NACA: variants seen among roughly 807,000 people sequenced by gnomAD.
NACA encodes nascent polypeptide associated complex subunit alpha.
In NACA, 42 loss-of-function variants were observed where a neutral mutation model predicts 86.4. That is an observed-to-expected ratio of 0.49 (90% CI 0.38 to 0.63). The LOEUF is 0.63. Among genes scored for constraint, NACA ranks in the 20% least tolerant of loss-of-function variants. The pLI is 0.00. For synonymous variants in NACA, 898 were observed against 973.7 expected, an observed-to-expected ratio of 0.92 and a Z score of 1.45; for missense variants, 2,157 against 2,483.6, an observed-to-expected ratio of 0.87 and a Z score of 2.80.
At position 56,716,322 on chromosome 12, in the gene NACA, G is replaced by C; in HGVS notation, c.5208C>G (p.Ala1736=). 1 of 1,612,858 alleles carries C rather than the reference G, an allele frequency of 6.2e-7. No homozygotes were observed. Residue 1736 remains alanine, a synonymous_variant, in exon 3 of 9, where the codon GCC becomes GCG. Transcript: ENST00000454682. ...SKGPLSTVAP[A]PLLPVQKDSS... is the part of the protein sequence containing the mutation. ...AGTCTTTCTGAACAGGGAGTAGAGGGGCTGGAGCCACTGTGGAAAGGGGTC... is the reference window on the plus strand; with the variant it reads ...AGTCTTTCTGAACAGGGAGTAGAGGCGCTGGAGCCACTGTGGAAAGGGGTC...
In NACA at chr12:56,716,753, C is replaced by A. The variant is rs1265703357; in HGVS notation, c.4777G>T (p.Ala1593Ser). 7.3e-7 allele frequency: 1 copy of A among 1,377,164 alleles called. No individual in the cohort carries two copies. 85.3% of individuals were successfully genotyped at this position (1,377,164 alleles called of 1,614,324 possible). Residue 1593 changes from alanine to serine, a missense_variant, in exon 3 of 9, where the codon GCC becomes TCC. Physicochemically the swap from Ala to Ser is moderately conservative, Grantham distance 99. Coordinates refer to ENST00000454682, the MANE Select transcript of NACA (RefSeq NM_001365896.1). ...ATGAGGAGCTCTTTGGGGGATGGGG[C>A]CCCTTTGTAAGTGGAAGGAGTCACT... ...PAVTPSTYKG[A>S]PSPKELLIPP...
In NACA at chr12:56,713,579, C is replaced by T; in HGVS notation, c.5928G>A (p.Lys1976=). ...LFVITKPDVY[K]SPASDTYIVF... ...CTATGTAAGTATCTGAAGCAGGGCT[C>T]TTGTAGACATCTGGTTTTGTGATGA... Residue 1976 remains lysine, a synonymous_variant, in exon 6 of 9, where the codon AAG becomes AAA. Transcript: ENST00000454682. 6.2e-7 allele frequency: 1 copy of T among 1,613,974 alleles called. No homozygotes were observed. Among genetic ancestry groups the T allele is most frequent in the South Asian group, 1.1e-5 (1 of 91,082 alleles).
Position 56,713,568 on chromosome 12 carries a change from G to A in NACA, c.5939C>T (p.Ser1980Leu). 6.2e-7 allele frequency: 1 copy of A among 1,613,980 alleles called. No homozygotes were observed. Among genetic ancestry groups the A allele is most frequent in the Non-Finnish European group, 8.5e-7 (1 of 1,179,880 alleles). ...TKPDVYKSPA[S>L]DTYIVFGEAK... The stretch of plus-strand genomic sequence containing the variant: ...TTCCCCAAAAACTATGTAAGTATCT[G>A]AAGCAGGGCTCTTGTAGACATCTGG... Residue 1980 changes from serine (S) to leucine (L), a missense_variant, in exon 6 of 9, where the codon TCA (serine) becomes TTA (leucine). Physicochemically the swap from Ser to Leu is moderately radical, Grantham distance 145 (BLOSUM62 -2). This residue lies in a region of NACA where 81 missense variants were observed against 200.6 expected (regional missense o/e 0.40). Coordinates refer to ENST00000454682, the MANE Select transcript of NACA (RefSeq NM_001365896.1).
At position 56,713,528 on chromosome 12, in the gene NACA, T is replaced by C. The variant is rs1204226212; in HGVS notation, c.5970+9A>G. ...GGTCTGGAACAATGCCCAAGAAAAGTTTACTCACCTTGGCTTCCCCAAAAA... is the reference window on the plus strand; with the variant it reads ...GGTCTGGAACAATGCCCAAGAAAAGCTTACTCACCTTGGCTTCCCCAAAAA... On this transcript the variant is annotated intron_variant, in intron 6 of 8. Coordinates refer to ENST00000454682, the MANE Select transcript of NACA (RefSeq NM_001365896.1). 1 of 1,613,286 alleles carries C rather than the reference T, an allele frequency of 6.2e-7. No individual in the cohort carries two copies. Among genetic ancestry groups the C allele is most frequent in the Non-Finnish European group, 8.5e-7 (1 of 1,179,564 alleles).
At position 56,719,018 on chromosome 12, in the gene NACA, C is replaced by T. The variant is rs755037459; in HGVS notation, c.2512G>A (p.Glu838Lys). The change falls in exon 3 of 9, where the codon GAG (glutamate) becomes AAG (lysine). Residue 838 changes from glutamate to lysine, a missense_variant. Glu to Lys is a moderately conservative substitution (Grantham distance 56). Transcript: ENST00000454682. ...VSPVEASFLP[E>K]NSLSFQGSKD... Reference sequence around the variant, plus strand: ...GAGCCTTGGAAAGAAAGACTATTCTCTGGAAGAAATGAAGCTTCAACTGGA... The same window carrying T: ...GAGCCTTGGAAAGAAAGACTATTCTTTGGAAGAAATGAAGCTTCAACTGGA... The T allele has an allele frequency of 3.3e-5, 48 of 1,447,540 alleles. No homozygotes were observed. The highest frequency in any genetic ancestry group is 4.4e-5 in the Non-Finnish European group (47 of 1,071,482). The allele number at this position is 1,447,540 out of a possible 1,614,324, so 89.7% of individuals were successfully genotyped here. A position where few individuals can be genotyped will look rare whatever the true frequency, so the allele number is the denominator to read the frequency against.
At chr12:56,713,284 G>T (rs1375743689) in intron 6 of NACA, 94 bp from the exon 7 acceptor site, 3 of 1,459,554 alleles carry the variant, frequency 2.1e-6, no homozygotes, top group Admixed American at 4.0e-5. Context: ...ACCCATTCAG[G>T]TAACTTATTG....
rs1401189088 is a variant in NACA at position 56,720,259 on chromosome 12, T to C, written c.1271A>G (p.His424Arg). ...ILKSSPNATY[H>R]YPLVAQMPVS... is the part of the protein sequence containing the mutation. ...GGGCATTTGGGCCACTAAAGGATAATGATAAGTGGCATTAGGAGAGCTTTT... is the reference window on the plus strand; with the variant it reads ...GGGCATTTGGGCCACTAAAGGATAACGATAAGTGGCATTAGGAGAGCTTTT... Residue 424 changes from histidine to arginine, a missense_variant, in exon 3 of 9, where the codon CAT (histidine) becomes CGT (arginine). Coordinates refer to ENST00000454682, the MANE Select transcript of NACA (RefSeq NM_001365896.1). The C allele has an allele frequency of 6.2e-7, 1 of 1,613,716 alleles. No homozygotes were observed. Among genetic ancestry groups the C allele is most frequent in the Non-Finnish European group, 8.5e-7 (1 of 1,179,720 alleles).
chr12:56,721,762 G>C lies in NACA; in HGVS notation c.71-303C>G, dbSNP rs570078813. On this transcript the variant is annotated intron_variant, in intron 2 of 8. Transcript: ENST00000454682. ...TCTAAGAGCAGCCTATCTCTAAATG[G>C]GGAGCACAGACTCTTGGTAGGTTGA... 1.2e-4 allele frequency among the ~76,000 whole-genome samples: 18 copies of C among 152,260 alleles called. No homozygotes were observed. The East Asian group carries it at 3.5e-3, about 29-fold the overall frequency.
chr12:56,720,975 C>T lies in NACA; in HGVS notation c.555G>A (p.Lys185=), dbSNP rs780574561. The change falls in exon 3 of 9, where the codon AAG becomes AAA. Residue 185 remains lysine, a synonymous_variant. Transcript: ENST00000454682. ...LSAPIAPSEP[K]TNLNKVPSEV... ...CAGAGGGAACTTTATTAAGATTAGT[C>T]TTTGGTTCTGAGGGAGCAATGGGAG... 1.2e-6 allele frequency: 2 copies of T among 1,613,950 alleles called. No homozygotes were observed. Among genetic ancestry groups the T allele is most frequent in the Admixed American group, 1.7e-5 (1 of 60,012 alleles).
chr12:56,715,974 TC>T lies in NACA; in HGVS notation c.5555del (p.Gly1852GlufsTer133). ...TGACGAGGACCGACTGGAAAGGCAC[TC>T]CCCCAGAGATTGGTTCCGGGGGAAT... is the stretch of plus-strand genomic sequence containing the variant. The part of the protein sequence containing the change: ...PLIPPEPISG[G>X]VPFQSVLVNM... On this transcript the variant is annotated frameshift_variant, in exon 3 of 9. Transcript: ENST00000454682. LOFTEE classifies it high-confidence loss of function. The T allele has an allele frequency of 6.4e-7, 1 of 1,564,578 alleles. No individual in the cohort carries two copies.
chr12:56,721,726 G>C (rs1248003315), intron 2 of NACA, among the ~76,000 whole-genome samples: 1 of 152,202 alleles, frequency 6.6e-6, no homozygotes, highest in Non-Finnish European at 1.5e-5. Context: ...ATTTTAGGGT[G>C]AGGAGAACAG....
intron 2 of NACA, among the ~76,000 whole-genome samples, chr12:56,723,446 C>T (rs1031115547): frequency 6.6e-6 from 1 of 152,120 alleles, no homozygotes; most frequent in African/African-American, 2.4e-5. Context: ...CTTTAGAGAA[C>T]AGTACTTTAT....
At position 56,718,330 on chromosome 12, in the gene NACA, GGGGA is replaced by G. The variant is rs1953456943; in HGVS notation, c.3196_3199del (p.Ser1066GlnfsTer51). 8.7e-7 allele frequency: 1 copy of G among 1,155,506 alleles called. No individual in the cohort carries two copies. The highest frequency in any genetic ancestry group is 1.7e-5 in the African/African-American group (1 of 59,462). 71.6% of individuals were successfully genotyped at this position (1,155,506 alleles called of 1,614,324 possible). ...GGATGGGGTAGCTGGACCTCCTTTTGGGGAGGGAAGAGTTGCAGCTGGGGTTGTG... is the reference window on the plus strand; with the variant it reads ...GGATGGGGTAGCTGGACCTCCTTTTGGGGAAGAGTTGCAGCTGGGGTTGTG... On this transcript the variant is annotated frameshift_variant, in exon 3 of 9. Coordinates refer to ENST00000454682, the MANE Select transcript of NACA (RefSeq NM_001365896.1). LOFTEE classifies it high-confidence loss of function.
chr12:56,712,638 G>T, intron 8 of NACA, 86 bp from the exon 9 acceptor site: 1 of 1,595,500 alleles, frequency 6.3e-7, no homozygotes, highest in East Asian at 2.2e-5. Flanking sequence ...CAAATCAGGA[G>T]AATTTAGGCC....
chr12:56,713,691 A>G lies in NACA; in HGVS notation c.5824-8T>C. 6.2e-7 allele frequency: 1 copy of G among 1,613,168 alleles called. No homozygotes were observed. The highest frequency in any genetic ancestry group is 8.5e-7 in the Non-Finnish European group (1 of 1,179,536). The stretch of plus-strand genomic sequence containing the variant: ...ACCCAGTTTGGACATAGCCTAAAGA[A>G]GAGAAAATAGTATCAGGTTTTCAAC... On this transcript the variant is annotated splice_region_variant and splice_polypyrimidine_tract_variant and intron_variant, in intron 5 of 8. Transcript: ENST00000454682.
Position 56,720,280 on chromosome 12 carries a change from CTTTTGAGAATGAGAGAGG to C in NACA, c.1232_1249del (p.Thr411_Lys416del). 2 of 1,613,844 alleles carry C rather than the reference CTTTTGAGAATGAGAGAGG, an allele frequency of 1.2e-6. No homozygotes were observed. The highest frequency in any genetic ancestry group is 1.7e-6 in the Non-Finnish European group (2 of 1,179,876). ...ATAATGATAAGTGGCATTAGGAGAG[CTTTTGAGAATGAGAGAGG>C]TTGTAGGAGATAATGAAAAAGAGGT... is the stretch of plus-strand genomic sequence containing the variant. On this transcript the variant is annotated inframe_deletion, in exon 3 of 9. Transcript: ENST00000454682.
At position 56,717,591 on chromosome 12, in the gene NACA, TGGA is replaced by T. The variant is rs779008192; in HGVS notation, c.3936_3938del (p.Pro1313del). 8.0e-7 allele frequency: 1 copy of T among 1,246,954 alleles called. No homozygotes were observed. The highest frequency in any genetic ancestry group is 3.1e-5 in the Admixed American group (1 of 31,908). 77.2% of individuals were successfully genotyped at this position (1,246,954 alleles called of 1,614,324 possible). On this transcript the variant is annotated inframe_deletion, in exon 3 of 9. Transcript: ENST00000454682. Reference sequence around the variant, plus strand: ...CTTTTGGGGAGGGAGGAGTTGCAGCTGGAGGAGTGGGGGCCCCTTTGGGGGGTG... The same window carrying T: ...CTTTTGGGGAGGGAGGAGTTGCAGCTGGAGTGGGGGCCCCTTTGGGGGGTG...
rs370114097 is a variant in NACA, at chr12:56,713,703, A to G, written c.5824-20T>C. ...CATAGCCTAAAGAAGAGAAAATAGTATCAGGTTTTCAACCTCTTTAGAAGC... is the reference window on the plus strand; with the variant it reads ...CATAGCCTAAAGAAGAGAAAATAGTGTCAGGTTTTCAACCTCTTTAGAAGC... On this transcript the variant is annotated intron_variant, in intron 5 of 8. Transcript: ENST00000454682. 21 of 1,612,364 alleles carry G rather than the reference A, an allele frequency of 1.3e-5. No individual in the cohort carries two copies. The highest frequency in any genetic ancestry group is 1.2e-4 in the African/African-American group (9 of 74,668).
intron 3 of NACA, 80 bp from the exon 4 acceptor site, chr12:56,714,767 G>A: frequency 1.6e-6 from 2 of 1,282,842 alleles, no homozygotes; most frequent in Non-Finnish European, 2.3e-6. Context: ...CCCTGGACTA[G>A]AGGTGAATGC....
Sources: allele counts gnomAD v4.1 joint callset (sites outside exome capture counted in the v4.1 genomes callset), GRCh38; gene constraint gnomAD v4.1.1; regional missense constraint gnomAD v4.1.1; transcripts MANE v1.5; gene names NCBI Gene and HGNC (gene_info 2026-07-23, HGNC 2026-07-21).